The following CAPN13 variants were observed in gnomAD, a reference collection of about 807,000 sequenced individuals.
The protein encoded by CAPN13 is calpain-13.
In CAPN13, 90 loss-of-function variants were observed where a neutral mutation model predicts 98.4. The observed-to-expected ratio is 0.92, with a 90% CI of 0.77 to 1.09. The LOEUF is 1.09. CAPN13 is among the 50% of genes least tolerant of loss of function. CAPN13 has a pLI of 0.00. For synonymous variants in CAPN13, 330 were observed against 305.5 expected (o/e 1.08, Z -0.84); for missense variants, 887 against 841.3 (o/e 1.05, Z -0.67).
intron 1 of CAPN13, among the ~76,000 whole-genome samples, chr2:30,789,995 G>T (rs1246955995): frequency 6.6e-6 from 1 of 152,224 alleles, no homozygotes; most frequent in African/African-American, 2.4e-5. Context: ...AGCAGGCTGG[G>T]TGTCTGCTGC....
chr2:30,784,022 G>A (rs6721219), intron 2 of CAPN13, among the ~76,000 whole-genome samples: 15,733 of 151,854 alleles, frequency 0.1, 2,508 homozygotes, highest in African/African-American at 0.34. Flanking sequence ...CTCTACTAAA[G>A]TACAAAAATT....
At position 30,742,262 on chromosome 2, in the gene CAPN13, G is replaced by A. The variant is rs1009705384; in HGVS notation, c.1479+64C>T. The A allele has an allele frequency of 2.5e-5, 38 of 1,542,658 alleles. 1 individual carries two copies. Among genetic ancestry groups the A allele is most frequent in the South Asian group, 2.0e-4 (17 of 84,678 alleles). ...CAGCGGGAGGTGTAAAGAAGGAGAC[G>A]GAAGCTCTTGGGGATGGGATGGGGC... On this transcript the variant is annotated intron_variant, in intron 14 of 22. Transcript: ENST00000295055.
intron 22 of CAPN13, among the ~76,000 whole-genome samples, chr2:30,728,370 A>G (rs1448227806): frequency 6.6e-6 from 1 of 152,088 alleles, no homozygotes; most frequent in Non-Finnish European, 1.5e-5. Context: ...GGCTACAACC[A>G]AGTGTGTTGA....
chr2:30,740,074 T>C (rs1269945993), intron 15 of CAPN13, among the ~76,000 whole-genome samples: 1 of 145,410 alleles, frequency 6.9e-6, no homozygotes, highest in Admixed American at 7.3e-5. Context: ...ATCAAGTCAT[T>C]GTATTAGGTT....
intron 7 of CAPN13, among the ~76,000 whole-genome samples, chr2:30,762,396 A>G (rs1168698180): frequency 1.3e-5 from 2 of 152,328 alleles, no homozygotes; most frequent in East Asian, 3.9e-4. Context: ...GGGCCCAGCT[A>G]GACAGTGTAT....
intron 2 of CAPN13, among the ~76,000 whole-genome samples, chr2:30,784,774 ACT>A (rs1674176917): frequency 6.6e-6 from 1 of 152,102 alleles, no homozygotes; most frequent in Non-Finnish European, 1.5e-5. Context: ...AGGTCCCCCT[ACT>A]CTCTGATTCT....
At chr2:30,768,342 G>A (rs1673212056) in intron 5 of CAPN13, among the ~76,000 whole-genome samples, 1 of 152,250 alleles carries the variant, frequency 6.6e-6, no homozygotes, top group African/African-American at 2.4e-5. Flanking sequence ...GCCTGATGAG[G>A]AGTTCAGAGG....
chr2:30,779,306 T>G (rs1369599340), intron 2 of CAPN13, among the ~76,000 whole-genome samples: 1 of 152,238 alleles, frequency 6.6e-6, no homozygotes, highest in Non-Finnish European at 1.5e-5. Context: ...CTTGAGACCT[T>G]GAACAATTCC....
intron 2 of CAPN13, among the ~76,000 whole-genome samples, chr2:30,779,102 G>A (rs974083110): frequency 6.6e-6 from 1 of 152,208 alleles, no homozygotes; most frequent in South Asian, 2.1e-4. Context: ...AAGAAGAGAT[G>A]GAGGCTGTGG....
At chr2:30,786,905 A>G (rs182913916) in intron 2 of CAPN13, among the ~76,000 whole-genome samples, 3 of 152,284 alleles carry the variant, frequency 2.0e-5, no homozygotes, top group South Asian at 2.1e-4. Flanking sequence ...TTAGTGGTGT[A>G]CTTAGTGTTA....
chr2:30,729,726 G>A (rs1288425290), intron 22 of CAPN13: 2 of 152,322 alleles, frequency 1.3e-5, no homozygotes, highest in East Asian at 3.9e-4. Flanking sequence ...ATTATTTATG[G>A]AGACAGTGTC....
chr2:30,732,877 C>T (rs1029782731), intron 19 of CAPN13, among the ~76,000 whole-genome samples: 9 of 152,202 alleles, frequency 5.9e-5, no homozygotes, highest in African/African-American at 2.2e-4. Context: ...GCTTCTAGCT[C>T]TGCCTCTGTC....
chr2:30,787,134 C>G lies in CAPN13; in HGVS notation c.192G>C (p.Arg64=). Residue 64 remains arginine (R), a synonymous_variant, in exon 2 of 23, where the codon CGG becomes CGC. Transcript: ENST00000295055. ...TCGTGTGGGGCTCACTCACCTGTGG[C>G]CGCTTCCATATCACATTGGAGAGGC... ...EKRLSNVIWK[R]PQDLPGGPPH... 6.4e-7 allele frequency: 1 copy of G among 1,559,918 alleles called. No homozygotes were observed. Among genetic ancestry groups the G allele is most frequent in the Non-Finnish European group, 8.7e-7 (1 of 1,152,516 alleles).
chr2:30,753,716 C>T lies in CAPN13; in HGVS notation c.942-518G>A, dbSNP rs536516643. On this transcript the variant is annotated intron_variant, in intron 9 of 22. Transcript: ENST00000295055. ...TTCTTAATTATTTAGATCCATGCTC[C>T]TTTCCACACATGCTAATTTCCATTG... Among the ~76,000 whole-genome samples, 3 of 152,304 alleles carry T rather than the reference C, an allele frequency of 2.0e-5. No individual in the cohort carries two copies. In the East Asian group the frequency reaches 5.8e-4, roughly 29 times the overall value.
chr2:30,734,878 C>T (rs1186926873), intron 18 of CAPN13, among the ~76,000 whole-genome samples: 1 of 152,202 alleles, frequency 6.6e-6, no homozygotes, highest in African/African-American at 2.4e-5. Context: ...GGGCTTAAAT[C>T]GTGGACTATT....
intron 4 of CAPN13, among the ~76,000 whole-genome samples, chr2:30,770,856 G>A (rs1673369776): frequency 6.6e-6 from 1 of 152,224 alleles, no homozygotes. Context: ...GCTAGCATGA[G>A]AGAGGCAGAG....
chr2:30,732,434 T>G lies in CAPN13; in HGVS notation c.1927+4A>C, dbSNP rs1031506389. 3 of 1,613,136 alleles carry G rather than the reference T, an allele frequency of 1.9e-6. No individual in the cohort carries two copies. In the African/African-American group the frequency reaches 4.0e-5, roughly 22 times the overall value. On this transcript the variant is annotated splice_donor_region_variant and intron_variant, in intron 20 of 22. Transcript: ENST00000295055. ...TCTCTGGGATGCCCCTTGGGGACAC[T>G]TACTTGCCATGGCTTCAAGCCGCAT...
At chr2:30,774,609 T>G (rs1345141662) in intron 4 of CAPN13, among the ~76,000 whole-genome samples, 1 of 152,152 alleles carries the variant, frequency 6.6e-6, no homozygotes, top group Non-Finnish European at 1.5e-5. Flanking sequence ...AAGAATTAAC[T>G]TCGGTAGAAA....
intron 2 of CAPN13, among the ~76,000 whole-genome samples, chr2:30,783,065 G>A (rs1306608714): frequency 6.6e-6 from 1 of 152,110 alleles, no homozygotes; most frequent in Non-Finnish European, 1.5e-5. Context: ...ATTTAATGAG[G>A]ATGATAGTAT....
Sources: allele counts gnomAD v4.1 joint callset (sites outside exome capture counted in the v4.1 genomes callset), GRCh38; gene constraint gnomAD v4.1.1; transcripts MANE v1.5; gene names NCBI Gene and HGNC (gene_info 2026-07-23, HGNC 2026-07-21).